Variants in MSI2 observed in about 807,000 individuals in gnomAD.
MSI2 encodes RNA-binding protein Musashi homolog 2.
MSI2 carries 17 observed loss-of-function variants against 45.6 expected under a neutral mutation model. That is an observed-to-expected ratio of 0.37 (90% CI 0.26 to 0.56). The LOEUF (loss-of-function observed/expected upper bound fraction) is 0.56, where lower values mean the gene tolerates loss of function less well. Ranked by LOEUF, MSI2 falls within the 20% of genes least tolerant of loss-of-function variation. The pLI is 0.77. For missense variants in MSI2, 293 were observed against 444.2 expected (o/e 0.66, Z 3.06); for synonymous variants, 156 against 158.2 (o/e 0.99, Z 0.11).
chr17:57,348,181 C>T lies in MSI2; in HGVS notation c.313-53198C>T, dbSNP rs150657697. On this transcript the variant is annotated intron_variant, in intron 5 of 13. Coordinates refer to ENST00000284073, the MANE Select transcript of MSI2 (RefSeq NM_138962.4). Reference sequence around the variant, plus strand: ...CTAGTGGTACAAGTTGCTTGTGATACATCTCACTTGGACATATCTATGGTA... The same window carrying T: ...CTAGTGGTACAAGTTGCTTGTGATATATCTCACTTGGACATATCTATGGTA... Among the ~76,000 whole-genome samples the T allele has an allele frequency of 1.0e-3, 155 of 152,332 alleles. 2 individuals are homozygous for T. Among genetic ancestry groups the T allele is most frequent in the African/African-American group, 3.6e-3 (148 of 41,564 alleles).
intron 10 of MSI2, among the ~76,000 whole-genome samples, chr17:57,648,167 G>A (rs1910838976): frequency 1.3e-5 from 2 of 149,288 alleles, no homozygotes. Context: ...GTGTGTGTGT[G>A]TGTGTGTGTG....
intron 5 of MSI2, among the ~76,000 whole-genome samples, chr17:57,379,075 GGTT>G (rs2083552534): frequency 6.6e-6 from 1 of 151,636 alleles, no homozygotes; most frequent in Non-Finnish European, 1.5e-5. Flanking sequence ...ACCGACCAGA[GGTT>G]GTTATTTCAC....
At chr17:57,538,206 C>T (rs1029794462) in intron 7 of MSI2, among the ~76,000 whole-genome samples, 3 of 152,142 alleles carry the variant, frequency 2.0e-5, no homozygotes, top group Non-Finnish European at 4.4e-5. Flanking sequence ...CCTTTCTTAG[C>T]ATCACGGCAC....
chr17:57,338,614 C>T (rs1450008146), intron 5 of MSI2, among the ~76,000 whole-genome samples: 1 of 152,172 alleles, frequency 6.6e-6, no homozygotes, highest in East Asian at 1.9e-4. Flanking sequence ...CGGGTCTCTG[C>T]CTGGAGGAGC....
intron 11 of MSI2, among the ~76,000 whole-genome samples, chr17:57,655,529 C>T (rs1348319789): frequency 6.6e-6 from 1 of 151,906 alleles, no homozygotes; most frequent in Non-Finnish European, 1.5e-5. Flanking sequence ...AGCCAGGACC[C>T]CTTACTGTAC....
chr17:57,495,532 C>CAAAAAAAAAAAAAAAA (rs56325646), intron 6 of MSI2, among the ~76,000 whole-genome samples: 1 of 72,620 alleles, frequency 1.4e-5, no homozygotes. Context: ...GACTCTGTCT[C>CAAAAAAAAAAAAAAAA]AAAAAAAAAA....
At chr17:57,447,836 C>G (rs1306041088) in intron 6 of MSI2, among the ~76,000 whole-genome samples, 1 of 152,166 alleles carries the variant, frequency 6.6e-6, no homozygotes, top group Non-Finnish European at 1.5e-5. Context: ...CAATTTACTT[C>G]TGTCTTTGGG....
intron 6 of MSI2, among the ~76,000 whole-genome samples, chr17:57,431,301 C>T (rs1013765015): frequency 6.6e-6 from 1 of 152,220 alleles, no homozygotes; most frequent in Non-Finnish European, 1.5e-5. Flanking sequence ...TGGTTCAGAA[C>T]GGCCACCATG....
At chr17:57,692,078 G>T in the MSI2 span, among the ~76,000 whole-genome samples, 3 of 152,082 alleles carry the variant, frequency 2.0e-5, no homozygotes, top group African/African-American at 2.4e-5. Context: ...GTTTAATTTT[G>T]TCAAATGTTC....
intron 5 of MSI2, among the ~76,000 whole-genome samples, chr17:57,377,210 G>A (rs549065558): frequency 1.8e-4 from 28 of 152,308 alleles, no homozygotes; most frequent in South Asian, 1.2e-3. Flanking sequence ...GTGAGCCACC[G>A]TGCCCGGCCC....
chr17:57,617,209 T>C (rs550711415), intron 9 of MSI2, among the ~76,000 whole-genome samples: 2 of 152,340 alleles, frequency 1.3e-5, no homozygotes, highest in African/African-American at 4.8e-5. Flanking sequence ...ATATTAAAAA[T>C]GGCCATGATG....
intron 6 of MSI2, among the ~76,000 whole-genome samples, chr17:57,493,412 C>T (rs1019831149): frequency 2.6e-5 from 4 of 152,026 alleles, no homozygotes; most frequent in Admixed American, 2.6e-4. Context: ...ACCTCCCCTT[C>T]CTTTTATTCT....
intron 5 of MSI2, among the ~76,000 whole-genome samples, chr17:57,296,148 T>C (rs1232603355): frequency 6.6e-6 from 1 of 152,118 alleles, no homozygotes; most frequent in Non-Finnish European, 1.5e-5. Flanking sequence ...GATTTCATCG[T>C]TGCATTATCT....
At chr17:57,330,494 G>A (rs933453775) in intron 5 of MSI2, among the ~76,000 whole-genome samples, 18 of 151,944 alleles carry the variant, frequency 1.2e-4, no homozygotes, top group African/African-American at 4.4e-4. Flanking sequence ...GTCCAGGCTC[G>A]TCTTGAACTC....
rs765536612 is a variant in MSI2 at position 57,447,397 on chromosome 17, C to T, written c.405+45926C>T. Among the ~76,000 whole-genome samples, 7 of 152,348 alleles carry T rather than the reference C, an allele frequency of 4.6e-5. No individual in the cohort carries two copies. In the East Asian group the frequency reaches 1.3e-3, roughly 29 times the overall value. Reference sequence around the variant, plus strand: ...GGGTTTACAGGCGCAAGCCACTGTGCCCAGCTTAAGTTTTACATTTTAAAT... The same window carrying T: ...GGGTTTACAGGCGCAAGCCACTGTGTCCAGCTTAAGTTTTACATTTTAAAT... On this transcript the variant is annotated intron_variant, in intron 6 of 13. Transcript: ENST00000284073.
intron 5 of MSI2, among the ~76,000 whole-genome samples, chr17:57,362,654 A>G (rs1040996334): frequency 6.6e-6 from 1 of 152,148 alleles, no homozygotes. Flanking sequence ...GGGGGGAAAA[A>G]AGTGCCAGAT....
chr17:57,417,549 C>T (rs960632346), intron 6 of MSI2, among the ~76,000 whole-genome samples: 2 of 152,168 alleles, frequency 1.3e-5, no homozygotes, highest in Non-Finnish European at 2.9e-5. Context: ...AGATCTTACC[C>T]CTCAACCCCC....
At position 57,679,551 on chromosome 17, in the gene MSI2, C is replaced by T; in HGVS notation, c.*34C>T. ...TCCTGGCCTTCCCTGCCCTGCAGAGCATACCTGGATGTCCAGGCAAGACTG... is the reference window on the plus strand; with the variant it reads ...TCCTGGCCTTCCCTGCCCTGCAGAGTATACCTGGATGTCCAGGCAAGACTG... On this transcript the variant is annotated splice_region_variant and 3_prime_UTR_variant, in exon 14 of 14. Transcript: ENST00000284073. 12 of 1,056,910 alleles carry T rather than the reference C, an allele frequency of 1.1e-5. No homozygotes were observed. The highest frequency in any genetic ancestry group is 1.4e-5 in the Non-Finnish European group (12 of 873,684). The allele number at this position is 1,056,910 out of a possible 1,614,324, so 65.5% of individuals were successfully genotyped here. A position where few individuals can be genotyped will look rare whatever the true frequency, so the allele number is the denominator to read the frequency against.
chr17:57,371,570 C>A (rs12939242), intron 5 of MSI2, among the ~76,000 whole-genome samples: 5 of 114,150 alleles, frequency 4.4e-5, no homozygotes, highest in Non-Finnish European at 1.0e-4. Flanking sequence ...CACACACACA[C>A]AAATCATTGG....
Sources: gnomAD v4.1 joint callset for allele counts (sites outside exome capture counted in the v4.1 genomes callset) on GRCh38, gnomAD v4.1.1 for gene constraint, MANE v1.5 for transcripts, NCBI Gene and HGNC (gene_info 2026-07-23, HGNC 2026-07-21) for gene names.